PTPRK: variants seen among roughly 807,000 people sequenced by gnomAD.
The protein encoded by PTPRK is receptor-type tyrosine-protein phosphatase kappa.
In PTPRK, 75 loss-of-function variants were observed where a neutral mutation model predicts 178.0. The observed-to-expected ratio is 0.42, with a 90% CI of 0.35 to 0.51. The LOEUF (loss-of-function observed/expected upper bound fraction) is 0.51, where lower values mean the gene tolerates loss of function less well. Among genes scored for constraint, PTPRK ranks in the 20% least tolerant of loss-of-function variants. PTPRK has a pLI of 0.02. For synonymous variants in PTPRK, 637 were observed against 620.6 expected (o/e 1.03, Z -0.39); for missense variants, 1,441 against 1,797.8 (o/e 0.80, Z 3.59).
chr6:128,359,313 G>C (rs2128341388), intron 2 of PTPRK, among the ~76,000 whole-genome samples: 1 of 152,100 alleles, frequency 6.6e-6, no homozygotes, highest in South Asian at 2.1e-4. Context: ...ACCACATCTA[G>C]CCAAGGCAGT....
At chr6:128,211,037 T>A (rs146069254) in intron 6 of PTPRK, among the ~76,000 whole-genome samples, 28 of 152,276 alleles carry the variant, frequency 1.8e-4, no homozygotes, top group Admixed American at 1.8e-3. Context: ...TATGTGCCTA[T>A]AACAAGGATA....
chr6:128,236,380 GCT>G (rs1392777184), intron 5 of PTPRK, among the ~76,000 whole-genome samples: 2 of 118,354 alleles, frequency 1.7e-5, no homozygotes, highest in African/African-American at 6.7e-5. Flanking sequence ...ACACATTCTC[GCT>G]CTGTCACCCA....
intron 29 of PTPRK, among the ~76,000 whole-genome samples, chr6:127,972,105 A>G (rs545341313): frequency 6.6e-6 from 1 of 152,330 alleles, no homozygotes; most frequent in South Asian, 2.1e-4. Context: ...GAAACAGTAC[A>G]AACCTAAGTC....
chr6:128,344,525 T>C (rs1832135233), intron 2 of PTPRK, among the ~76,000 whole-genome samples: 1 of 151,896 alleles, frequency 6.6e-6, no homozygotes. Context: ...CTCCAATCAC[T>C]CCTCGTGATT....
rs568896201 is a variant in PTPRK at position 128,330,911 on chromosome 6, C to T, written c.224-8601G>A. Among the ~76,000 whole-genome samples, 37 of 151,910 alleles carry T rather than the reference C, an allele frequency of 2.4e-4. 1 individual carries two copies. The highest frequency in any genetic ancestry group is 8.0e-4 in the African/African-American group (33 of 41,450). ...AAAACAAAACAAAACAAAAAAACAC[C>T]TAAGTTTATGCTTGTCTCAGTCTCC... On this transcript the variant is annotated intron_variant, in intron 2 of 29. Coordinates refer to ENST00000368226, the MANE Select transcript of PTPRK (RefSeq NM_002844.4).
At chr6:128,271,099 T>C (rs570802879) in intron 3 of PTPRK, among the ~76,000 whole-genome samples, 1 of 152,274 alleles carries the variant, frequency 6.6e-6, no homozygotes, top group Non-Finnish European at 1.5e-5. Flanking sequence ...ATGTGTTCTG[T>C]CATCTACCTA....
rs116111400 is a variant in PTPRK at position 128,153,981 on chromosome 6, A to G, written c.1162+30451T>C. Among the ~76,000 whole-genome samples the G allele has an allele frequency of 9.9e-3, 1,510 of 151,964 alleles. 14 individuals carry two copies. Among genetic ancestry groups the G allele is most frequent in the African/African-American group, 0.018 (756 of 41,540 alleles). ...TAAAACTCCACAAATACTGTCAATAATAATGATGGAAGCTTAGGAATTCAG... is the reference window on the plus strand; with the variant it reads ...TAAAACTCCACAAATACTGTCAATAGTAATGATGGAAGCTTAGGAATTCAG... On this transcript the variant is annotated intron_variant, in intron 7 of 29. Coordinates refer to ENST00000368226, the MANE Select transcript of PTPRK (RefSeq NM_002844.4).
chr6:128,514,042 C>A (rs1857565213), intron 1 of PTPRK, among the ~76,000 whole-genome samples: 1 of 152,194 alleles, frequency 6.6e-6, no homozygotes, highest in Admixed American at 6.5e-5. Flanking sequence ...GGCTGGTCAG[C>A]TGCTGCCTTG....
chr6:128,166,414 T>C (rs1310971185), intron 7 of PTPRK, among the ~76,000 whole-genome samples: 1 of 151,728 alleles, frequency 6.6e-6, no homozygotes, highest in African/African-American at 2.4e-5. Flanking sequence ...GGCACTTAAC[T>C]TCTTTGAGAT....
chr6:128,465,563 C>G (rs1849739982), intron 1 of PTPRK, among the ~76,000 whole-genome samples: 1 of 152,180 alleles, frequency 6.6e-6, no homozygotes, highest in Non-Finnish European at 1.5e-5. Flanking sequence ...CACTAGTTCA[C>G]TATTAACAAT....
intron 16 of PTPRK, among the ~76,000 whole-genome samples, chr6:127,998,136 G>A (rs1312714682): frequency 6.6e-6 from 1 of 151,994 alleles, no homozygotes; most frequent in Non-Finnish European, 1.5e-5. Flanking sequence ...AGTAGGAAGG[G>A]GAAATAAGGT....
intron 3 of PTPRK, among the ~76,000 whole-genome samples, chr6:128,307,566 T>C (rs756648806): frequency 6.6e-6 from 1 of 151,794 alleles, no homozygotes; most frequent in Non-Finnish European, 1.5e-5. Context: ...CAAGCATGTA[T>C]TATTGTCAAA....
chr6:128,209,144 CT>C (rs1320074942), intron 6 of PTPRK, among the ~76,000 whole-genome samples: 1 of 152,024 alleles, frequency 6.6e-6, no homozygotes, highest in Admixed American at 6.6e-5. Flanking sequence ...GCCCCCTTAA[CT>C]TACTCCCTAA....
intron 1 of PTPRK, among the ~76,000 whole-genome samples, chr6:128,508,106 G>C (rs2128441452): frequency 6.6e-6 from 1 of 152,212 alleles, no homozygotes; most frequent in South Asian, 2.1e-4. Context: ...CACATCTCAG[G>C]AGTATGGTCA....
chr6:128,440,834 C>G (rs1454794765), intron 1 of PTPRK, among the ~76,000 whole-genome samples: 12 of 151,944 alleles, frequency 7.9e-5, no homozygotes, highest in Non-Finnish European at 1.2e-4. Flanking sequence ...TAGTTCCATG[C>G]TGATGGACGT....
At chr6:128,136,809 C>T (rs1010980228) in intron 7 of PTPRK, among the ~76,000 whole-genome samples, 1 of 152,200 alleles carries the variant, frequency 6.6e-6, no homozygotes, top group African/African-American at 2.4e-5. Context: ...CTTTGGCCCA[C>T]TTCATATGCC....
At chr6:128,369,433 T>A (rs1453641122) in intron 2 of PTPRK, among the ~76,000 whole-genome samples, 1 of 152,106 alleles carries the variant, frequency 6.6e-6, no homozygotes. Flanking sequence ...ATATATCAGA[T>A]CCTGGTCTGA....
At chr6:128,197,171 CTT>C in intron 6 of PTPRK, among the ~76,000 whole-genome samples, 1 of 122,736 alleles carries the variant, frequency 8.1e-6, no homozygotes, top group South Asian at 2.8e-4. Flanking sequence ...TTTTTAATCT[CTT>C]TTGTTTTTTT....
intron 13 of PTPRK, among the ~76,000 whole-genome samples, chr6:128,049,866 G>A (rs1778699593): frequency 6.6e-6 from 1 of 152,194 alleles, no homozygotes; most frequent in South Asian, 2.1e-4. Flanking sequence ...GCCAGGTGCG[G>A]TGGCTCACGC....
Sources: allele counts gnomAD v4.1 joint callset (sites outside exome capture counted in the v4.1 genomes callset), GRCh38; gene constraint gnomAD v4.1.1; transcripts MANE v1.5; gene names NCBI Gene and HGNC (gene_info 2026-07-23, HGNC 2026-07-21).